The following ZDHHC8 variants were observed in gnomAD, a reference collection of about 807,000 sequenced individuals.
The protein encoded by ZDHHC8 is zDHHC palmitoyltransferase 8, also known as palmitoyltransferase ZDHHC8.
In ZDHHC8, 24 loss-of-function variants were observed where a neutral mutation model predicts 61.2. That is an observed-to-expected ratio of 0.39 (90% CI 0.28 to 0.55). The LOEUF (loss-of-function observed/expected upper bound fraction) is 0.55. Among genes scored for constraint, ZDHHC8 ranks in the 20% least tolerant of loss-of-function variants. The probability of loss-of-function intolerance (pLI) is 0.60; values close to 1 mark genes in which losing one functional copy is unlikely to be tolerated. For missense variants in ZDHHC8, 935 were observed against 1,102.1 expected (o/e 0.85, Z 2.15); for synonymous variants, 523 against 492.5 (o/e 1.06, Z -0.82).
intron 2 of ZDHHC8, 68 bp from the exon 3 acceptor site, chr22:20,139,410 A>G (rs2050447480): frequency 1.2e-5 from 19 of 1,604,058 alleles, no homozygotes. Flanking sequence ...GGTGGGCTGG[A>G]CTTGGGGGAG....
chr22:20,133,773 GA>G (rs113768728), intron 1 of ZDHHC8, among the ~76,000 whole-genome samples: 33 of 143,088 alleles, frequency 2.3e-4, no homozygotes, highest in South Asian at 2.3e-4. Flanking sequence ...GTGAAATACA[GA>G]AAAAAAAAAT....
chr22:20,134,917 C>G (rs548844115), intron 1 of ZDHHC8, among the ~76,000 whole-genome samples: 1 of 152,024 alleles, frequency 6.6e-6, no homozygotes, highest in South Asian at 2.1e-4. Context: ...CTTCAGGAAG[C>G]CTTCCTAGGA....
At chr22:20,139,956 G>A (rs1365815280) in intron 4 of ZDHHC8, 64 bp downstream of exon 4, 9 of 1,598,836 alleles carry the variant, frequency 5.6e-6, no homozygotes, top group Non-Finnish European at 7.7e-6. Context: ...GTTCACCAGG[G>A]AGATTGAGCC....
At chr22:20,145,141 C>A in intron 10 of ZDHHC8, 88 bp from the exon 11 acceptor site, 1 of 1,229,846 alleles carries the variant, frequency 8.1e-7, no homozygotes, top group Non-Finnish European at 1.1e-6. Flanking sequence ...ACGTCCGCGT[C>A]GTCTCTGTCT....
At position 20,146,381 on chromosome 22, in the gene ZDHHC8, G is replaced by C; in HGVS notation, c.*981G>C. The C allele has an allele frequency of 1.0e-6, 1 of 985,630 alleles. No homozygotes were observed. Among genetic ancestry groups the C allele is most frequent in the Non-Finnish European group, 1.2e-6 (1 of 829,946 alleles). 61.1% of individuals were successfully genotyped at this position (985,630 alleles called of 1,614,324 possible). ...AGTAAGCACATGACAGCGTCTGCTTGCGTTGTGTCTGTTTTATGTTTTTAT... is the reference window on the plus strand; with the variant it reads ...AGTAAGCACATGACAGCGTCTGCTTCCGTTGTGTCTGTTTTATGTTTTTAT... On this transcript the variant is annotated 3_prime_UTR_variant, in exon 11 of 11. Transcript: ENST00000334554.
Position 20,146,392 on chromosome 22 carries a change from G to A in ZDHHC8, c.*992G>A. 1 of 985,550 alleles carries A rather than the reference G, an allele frequency of 1.0e-6. No individual in the cohort carries two copies. The highest frequency in any genetic ancestry group is 1.2e-6 in the Non-Finnish European group (1 of 829,914). 61.1% of individuals were successfully genotyped at this position (985,550 alleles called of 1,614,324 possible). ...GACAGCGTCTGCTTGCGTTGTGTCT[G>A]TTTTATGTTTTTATATCTACATCTA... On this transcript the variant is annotated 3_prime_UTR_variant, in exon 11 of 11. Transcript: ENST00000334554.
intron 10 of ZDHHC8, among the ~76,000 whole-genome samples, chr22:20,144,979 G>A (rs529744724): frequency 6.6e-6 from 1 of 152,242 alleles, no homozygotes; most frequent in African/African-American, 2.4e-5. Flanking sequence ...GACTCGGGAG[G>A]GTGGTGGCAG....
At chr22:20,137,156 G>A (rs373317210) in intron 1 of ZDHHC8, among the ~76,000 whole-genome samples, 20 of 152,236 alleles carry the variant, frequency 1.3e-4, no homozygotes, top group Admixed American at 2.6e-4. Flanking sequence ...GCAGGTACCC[G>A]CACTGGGCAG....
Position 20,143,727 on chromosome 22 carries a change from A to G in ZDHHC8, c.2097A>G (p.Pro699=), listed in dbSNP as rs779277525. The change falls in exon 10 of 11, where the codon CCA becomes CCG. Residue 699 remains proline (P), a synonymous_variant. Transcript: ENST00000334554. ...TCGCCTTCATCCACACGGACCTCCC[A>G]GAGCCACCGCCCTCGCTGACCGTGC... is the stretch of plus-strand genomic sequence containing the variant. ...KAVAFIHTDL[P]EPPPSLTVQR... is the part of the protein sequence containing the mutation. The G allele has an allele frequency of 2.0e-5, 33 of 1,609,922 alleles. No individual in the cohort carries two copies. The highest frequency in any genetic ancestry group is 2.7e-5 in the Non-Finnish European group (32 of 1,179,628).
chr22:20,143,310 G>A lies in ZDHHC8; in HGVS notation c.1680G>A (p.Glu560=), dbSNP rs2050490797. Residue 560 remains glutamate, a synonymous_variant, in exon 10 of 11, where the codon GAG becomes GAA. Transcript: ENST00000334554. ...TCCAGGAGCGCAAGGACAGGGAGGA[G>A]CGTGAGCGCCTGCTGCGCTCCCAGG... ...ASIQERKDRE[E]RERLLRSQAD... 4 of 1,599,374 alleles carry A rather than the reference G, an allele frequency of 2.5e-6. No individual in the cohort carries two copies. In the East Asian group the frequency reaches 9.0e-5, roughly 36 times the overall value.
chr22:20,137,326 C>T (rs1602567936), intron 1 of ZDHHC8, among the ~76,000 whole-genome samples: 2 of 152,240 alleles, frequency 1.3e-5, no homozygotes, highest in Non-Finnish European at 2.9e-5. Context: ...GTTCAGGCCC[C>T]GCCTGCCTGA....
chr22:20,142,329 G>A (rs564468221), intron 9 of ZDHHC8, among the ~76,000 whole-genome samples: 6 of 152,212 alleles, frequency 3.9e-5, no homozygotes, highest in Non-Finnish European at 7.3e-5. Flanking sequence ...TCCAGTGGGG[G>A]ATTGGGTCTG....
rs1555886048 is a variant in ZDHHC8, at chr22:20,147,573, T to TG, written c.*2183dup. The TG allele has an allele frequency of 0.049, 5,913 of 119,582 alleles. 104 individuals carry two copies. The highest frequency in any genetic ancestry group is 0.061 in the Non-Finnish European group (3,382 of 55,204). The allele number at this position is 119,582 out of a possible 1,614,324, so 7.4% of individuals were successfully genotyped here. Reference sequence around the variant, plus strand: ...CCAGGCCTCCGTGGGTTGGGCTGGGTGGGGGGGGGGTCTCAGGTTGCCCCT... The same window carrying TG: ...CCAGGCCTCCGTGGGTTGGGCTGGGTGGGGGGGGGGGTCTCAGGTTGCCCCT... On this transcript the variant is annotated 3_prime_UTR_variant, in exon 11 of 11. Coordinates refer to ENST00000334554, the MANE Select transcript of ZDHHC8 (RefSeq NM_013373.4).
At chr22:20,132,084 C>A in intron 1 of ZDHHC8, 33 bp downstream of exon 1, 2 of 1,212,782 alleles carry the variant, frequency 1.6e-6, no homozygotes, top group South Asian at 2.0e-5. Context: ...GGCACGCGGG[C>A]AGCGATGGGC....
Position 20,145,837 on chromosome 22 carries a change from C to T in ZDHHC8, c.*437C>T, listed in dbSNP as rs1296229494. 3.0e-6 allele frequency: 3 copies of T among 987,110 alleles called. No individual in the cohort carries two copies. The highest frequency in any genetic ancestry group is 3.6e-6 in the Non-Finnish European group (3 of 831,132). The allele number at this position is 987,110 out of a possible 1,614,324, so 61.1% of individuals were successfully genotyped here. ...GGCCCCCACCGTCCTTCTGACACAG[C>T]CTGTGGGCTCCCGGACCGAGTGTCC... On this transcript the variant is annotated 3_prime_UTR_variant, in exon 11 of 11. Transcript: ENST00000334554.
At chr22:20,142,735 G>A (rs1020090940) in intron 9 of ZDHHC8, 21 bp from the exon 10 acceptor site, 1 of 1,611,464 alleles carries the variant, frequency 6.2e-7, no homozygotes, top group Non-Finnish European at 8.5e-7. Flanking sequence ...GGGCAGTGGT[G>A]AGAATGCCTT....
chr22:20,140,201 G>T lies in ZDHHC8; in HGVS notation c.644G>T (p.Arg215Leu). 1 of 1,612,616 alleles carries T rather than the reference G, an allele frequency of 6.2e-7. No individual in the cohort carries two copies. The highest frequency in any genetic ancestry group is 8.5e-7 in the Non-Finnish European group (1 of 1,179,942). Residue 215 changes from arginine (R) to leucine (L), a missense_variant, in exon 5 of 11, where the codon CGC becomes CTC. Around this residue, in one of 3 missense-constraint regions of ZDHHC8, gnomAD observed 199 missense variants for 334.0 expected, o/e 0.60. Coordinates refer to ENST00000334554, the MANE Select transcript of ZDHHC8 (RefSeq NM_013373.4). Reference sequence around the variant, plus strand: ...CATGTGGTGCTGGTCACTCGGGGGCGCACCACCAACGAGCAGGTGCAGACC... The same window carrying T: ...CATGTGGTGCTGGTCACTCGGGGGCTCACCACCAACGAGCAGGTGCAGACC... Reference protein sequence around the residue: ...GFHVVLVTRGRTTNEQVTGKF... With the variant: ...GFHVVLVTRGLTTNEQVTGKF...
At position 20,139,812 on chromosome 22, in the gene ZDHHC8, C is replaced by T; in HGVS notation, c.477C>T (p.His159=). 6.2e-7 allele frequency: 1 copy of T among 1,613,240 alleles called. No homozygotes were observed. The highest frequency in any genetic ancestry group is 8.5e-7 in the Non-Finnish European group (1 of 1,180,022). The change falls in exon 4 of 11, where the codon CAC becomes CAT. Residue 159 remains histidine (H), a synonymous_variant. Transcript: ENST00000334554. ...FFLFLLSLSA[H]MVGVVAFGLV... ...TGTTCCTGCTGTCACTCAGTGCACA[C>T]ATGGTGGGCGTCGTGGCCTTCGGCC...
intron 1 of ZDHHC8, among the ~76,000 whole-genome samples, chr22:20,137,209 G>A (rs998179459): frequency 3.3e-5 from 5 of 152,226 alleles, no homozygotes; most frequent in South Asian, 2.1e-4. Context: ...GTAGCCCCAC[G>A]GCTGCAAGGC....
Sources: gnomAD v4.1 joint callset for allele counts (sites outside exome capture counted in the v4.1 genomes callset) on GRCh38, gnomAD v4.1.1 for gene constraint, gnomAD v4.1.1 regional missense constraint, MANE v1.5 for transcripts, NCBI Gene and HGNC (gene_info 2026-07-23, HGNC 2026-07-21) for gene names.